LUZP1: variants seen among roughly 807,000 people sequenced by gnomAD.
LUZP1 encodes leucine zipper protein 1, also known as filamin mechanobinding actin cross-linking protein.
A neutral mutation model predicts 71.3 loss-of-function variants in LUZP1; 25 were observed. The observed-to-expected ratio is 0.35, with a 90% CI of 0.26 to 0.49. The LOEUF is 0.49. Ranked by LOEUF, LUZP1 falls within the 20% of genes least tolerant of loss-of-function variation. The pLI is 0.99. For synonymous variants in LUZP1, 481 were observed against 506.4 expected (o/e 0.95, Z 0.67); for missense variants, 1,142 against 1,300.8 (o/e 0.88, Z 1.88).
At chr1:23,161,864 T>A (rs1191383513) in intron 2 of LUZP1, among the ~76,000 whole-genome samples, 2 of 151,692 alleles carry the variant, frequency 1.3e-5, no homozygotes, top group Non-Finnish European at 2.9e-5. Flanking sequence ...CCGTCTCTAC[T>A]AAAAACACGA....
chr1:23,162,081 A>C (rs1278632383), intron 2 of LUZP1, among the ~76,000 whole-genome samples: 1 of 151,882 alleles, frequency 6.6e-6, no homozygotes, highest in Non-Finnish European at 1.5e-5. Context: ...CAAATCTAAA[A>C]ACCACTAAAA....
rs767035749 is a variant in LUZP1 at position 23,091,297 on chromosome 1, A to C, written c.2965T>G (p.Ser989Ala). Residue 989 changes from serine (S) to alanine (A), a missense_variant, in exon 4 of 5, where the codon TCC becomes GCC. Transcript: ENST00000302291. The stretch of plus-strand genomic sequence containing the variant: ...AGGCTACTTTGGGTCCTTCTGGAGG[A>C]GGGCTCAGGGGCATCCCCTGAACTT... 2.4e-5 allele frequency: 39 copies of C among 1,613,848 alleles called. 2 individuals carry two copies. In the South Asian group the frequency reaches 4.1e-4, roughly 17 times the overall value.
intron 2 of LUZP1, among the ~76,000 whole-genome samples, chr1:23,122,599 C>T (rs1266916949): frequency 3.3e-5 from 5 of 152,244 alleles, no homozygotes; most frequent in African/African-American, 1.2e-4. Context: ...TTTTCTGGCA[C>T]AGGCTAAGCC....
chr1:23,162,957 T>C (rs1308020404), intron 2 of LUZP1: 1 of 151,994 alleles, frequency 6.6e-6, no homozygotes, highest in African/African-American at 2.4e-5. Context: ...TAATAAAGAA[T>C]AAGGCTGGGT....
intron 3 of LUZP1, among the ~76,000 whole-genome samples, chr1:23,106,033 T>A (rs1332663389): frequency 6.6e-6 from 1 of 152,260 alleles, no homozygotes; most frequent in African/African-American, 2.4e-5. Flanking sequence ...TATCTCTGGA[T>A]AATGTGCTTT....
exon 5 of LUZP1, chr1:23,086,546 A>C (rs1432654572): frequency 6.6e-6 from 1 of 152,632 alleles, no homozygotes; most frequent in Non-Finnish European, 1.5e-5. Flanking sequence ...AAAGACAAGA[A>C]TTATTGGCGA....
chr1:23,104,309 C>T (rs576735282), intron 3 of LUZP1, among the ~76,000 whole-genome samples: 3 of 151,918 alleles, frequency 2.0e-5, no homozygotes, highest in Admixed American at 6.6e-5. Flanking sequence ...CTCAGCCTCC[C>T]GAGTAGCTGG....
chr1:23,102,465 C>T (rs575136904), intron 3 of LUZP1, among the ~76,000 whole-genome samples: 3 of 152,158 alleles, frequency 2.0e-5, no homozygotes, highest in South Asian at 2.1e-4. Flanking sequence ...AAAGAGGGGT[C>T]GGCAAACTTT....
At chr1:23,172,734 C>T (rs772344482) in intron 1 of LUZP1, among the ~76,000 whole-genome samples, 4 of 151,768 alleles carry the variant, frequency 2.6e-5, no homozygotes, top group Non-Finnish European at 2.9e-5. Flanking sequence ...AGGCTGGTCT[C>T]GAATGCCTGG....
Position 23,094,119 on chromosome 1 carries a change from T to C in LUZP1, c.143A>G (p.Gln48Arg), listed in dbSNP as rs1259126305. ...ACCTTCTGCCTGAATCACCTTGTCC[T>C]GGAGATCCAGGAGTTCATCCTCTGC... Residue 48 changes from glutamine (Q) to arginine (R), a missense_variant, in exon 4 of 5, where the codon CAG (glutamine) becomes CGG (arginine). Coordinates refer to ENST00000302291, the Ensembl canonical transcript of LUZP1. This position sits in a 1 kb window ranked among gnomAD's most constrained non-coding sequence, Gnocchi z 4.7. 1 of 1,614,232 alleles carries C rather than the reference T, an allele frequency of 6.2e-7. No homozygotes were observed.
chr1:23,117,506 CT>C (rs1423457622), intron 2 of LUZP1, among the ~76,000 whole-genome samples: 8 of 39,696 alleles, frequency 2.0e-4, no homozygotes, highest in Admixed American at 5.6e-4. Context: ...TCAGGAAGCC[CT>C]GGGGGGGGGG....
chr1:23,176,065 T>TTC (rs1296447555), intron 1 of LUZP1, among the ~76,000 whole-genome samples: 2 of 150,022 alleles, frequency 1.3e-5, no homozygotes, highest in Non-Finnish European at 3.0e-5. Context: ...TCCTTGACTT[T>TTC]TTTTTTTTTT....
intron 2 of LUZP1, among the ~76,000 whole-genome samples, chr1:23,146,894 A>G (rs1047309007): frequency 2.7e-5 from 4 of 149,920 alleles, no homozygotes; most frequent in African/African-American, 7.4e-5. Flanking sequence ...TCAGGAGCTC[A>G]AGACCATCCT....
At chr1:23,170,237 G>A (rs1644542258) in intron 1 of LUZP1, among the ~76,000 whole-genome samples, 1 of 152,078 alleles carries the variant, frequency 6.6e-6, no homozygotes, top group Admixed American at 6.6e-5. Flanking sequence ...ACCCACACAT[G>A]TTTGTGGAGC....
intron 2 of LUZP1, among the ~76,000 whole-genome samples, chr1:23,161,720 G>A (rs1014202016): frequency 6.6e-6 from 1 of 152,110 alleles, no homozygotes; most frequent in African/African-American, 2.4e-5. Context: ...GGGCATTATA[G>A]GTCAAAATAA....
chr1:23,149,551 A>G lies in LUZP1; in HGVS notation c.-226+19215T>C, dbSNP rs1391737241. Among the ~76,000 whole-genome samples the G allele has an allele frequency of 2.6e-5, 4 of 152,330 alleles. No homozygotes were observed. The East Asian group carries it at 7.7e-4, about 29-fold the overall frequency. ...AACAAGGCTAGGAAAATGTCTGAAT[A>G]TACAGACATTGGGTCTTTTGAATGT... On this transcript the variant is annotated intron_variant, in intron 2 of 4. Coordinates refer to ENST00000302291, the Ensembl canonical transcript of LUZP1.
intron 4 of LUZP1, among the ~76,000 whole-genome samples, chr1:23,089,339 G>C (rs1472704514): frequency 6.6e-6 from 1 of 152,144 alleles, no homozygotes; most frequent in Non-Finnish European, 1.5e-5. Context: ...AGCCTGGAAT[G>C]GGGGCATGGG....
intron 2 of LUZP1, among the ~76,000 whole-genome samples, chr1:23,136,607 A>G (rs1221915856): frequency 6.6e-6 from 1 of 152,062 alleles, no homozygotes; most frequent in African/African-American, 2.4e-5. Flanking sequence ...CGACAATGAC[A>G]GGACTAAAAC....
chr1:23,152,389 A>G (rs1007240780), intron 2 of LUZP1, among the ~76,000 whole-genome samples: 1 of 152,162 alleles, frequency 6.6e-6, no homozygotes, highest in Non-Finnish European at 1.5e-5. Flanking sequence ...AGAGAATCTC[A>G]ACATCTCACA....
Sources: allele counts gnomAD v4.1 joint callset (sites outside exome capture counted in the v4.1 genomes callset), GRCh38; gene constraint gnomAD v4.1.1; non-coding constraint Gnocchi (gnomAD v3.1); transcripts MANE v1.5; gene names NCBI Gene and HGNC (gene_info 2026-07-23, HGNC 2026-07-21).